KIAA0319: variants seen among roughly 807,000 people sequenced by gnomAD.
KIAA0319 encodes the protein KIAA0319, also known as dyslexia-associated protein KIAA0319.
A neutral mutation model predicts 108.4 loss-of-function variants in KIAA0319; 83 were observed. The ratio of observed to expected loss-of-function variants is 0.77; its 90% CI spans 0.64 to 0.92. The LOEUF (loss-of-function observed/expected upper bound fraction) is 0.92, where lower values mean the gene tolerates loss of function less well. Ranked by LOEUF, KIAA0319 falls within the 40% of genes least tolerant of loss-of-function variation. KIAA0319 has a pLI of 0.00. For missense variants in KIAA0319, 1,195 were observed against 1,322.4 expected (o/e 0.90, Z 1.49); for synonymous variants, 484 against 510.4 (o/e 0.95, Z 0.70).
Position 24,564,337 on chromosome 6 carries a change from C to T in KIAA0319, c.2296G>A (p.Val766Ile). The change falls in exon 15 of 21, where the codon GTC becomes ATC. Residue 766 changes from valine (V) to isoleucine (I), a missense_variant. By Grantham distance (29) the Val-to-Ile change is conservative. Transcript: ENST00000378214. ...RDGQSPAAGDVIDGSDHSVAL... is the reference protein window; with the variant it reads ...RDGQSPAAGDIIDGSDHSVAL... ...ACACTGTGGTCAGAGCCATCGATGACATCCTGCGAAAGAACACGGATCACA... is the reference window on the plus strand; with the variant it reads ...ACACTGTGGTCAGAGCCATCGATGATATCCTGCGAAAGAACACGGATCACA... The T allele has an allele frequency of 6.2e-7, 1 of 1,614,168 alleles. No individual in the cohort carries two copies. The highest frequency in any genetic ancestry group is 1.1e-5 in the South Asian group (1 of 91,086).
chr6:24,558,795 C>T (rs2251350), intron 17 of KIAA0319, among the ~76,000 whole-genome samples: 44,625 of 152,150 alleles, frequency 0.29, 7,855 homozygotes, highest in African/African-American at 0.5. Flanking sequence ...ATAATCTTAA[C>T]TTTAGGCCCA....
At chr6:24,588,899 A>C (rs1767994461) in intron 3 of KIAA0319, 114 bp from the exon 4 acceptor site, 7 of 837,492 alleles carry the variant, frequency 8.4e-6, no homozygotes, top group Non-Finnish European at 1.3e-5. Flanking sequence ...TGTTTGAAAA[A>C]CCATGAATAA....
intron 11 of KIAA0319, among the ~76,000 whole-genome samples, chr6:24,570,812 C>CT (rs1764622642): frequency 6.6e-6 from 1 of 152,084 alleles, no homozygotes; most frequent in Non-Finnish European, 1.5e-5. Flanking sequence ...TCTCTGTAGC[C>CT]TCAGTGCTAA....
chr6:24,559,906 C>G (rs1378015856), intron 16 of KIAA0319, among the ~76,000 whole-genome samples: 4 of 152,180 alleles, frequency 2.6e-5, no homozygotes, highest in African/African-American at 9.6e-5. Context: ...TGCTTTTGGT[C>G]TCTATGGATT....
intron 1 of KIAA0319, among the ~76,000 whole-genome samples, chr6:24,615,510 A>C (rs1204880127): frequency 1.3e-5 from 2 of 152,210 alleles, no homozygotes; most frequent in East Asian, 3.8e-4. Context: ...GAAAAGGGAA[A>C]TTAGTCAGGT....
Position 24,588,075 on chromosome 6 carries a change from G to A in KIAA0319, c.994+518C>T, listed in dbSNP as rs562906579. On this transcript the variant is annotated intron_variant, in intron 4 of 20. Coordinates refer to ENST00000378214, the MANE Select transcript of KIAA0319 (RefSeq NM_014809.4). The stretch of plus-strand genomic sequence containing the variant: ...CCTTACAGTTCTTCCGAAATGTCCC[G>A]TGAGCTCTTGTACTTCTGTTTTCTT... Among the ~76,000 whole-genome samples the A allele has an allele frequency of 1.9e-4, 29 of 152,246 alleles. No homozygotes were observed. The South Asian group carries it at 4.1e-3, about 22-fold the overall frequency.
At chr6:24,624,283 C>CATCT (rs1774409775) in intron 1 of KIAA0319, among the ~76,000 whole-genome samples, 1 of 148,880 alleles carries the variant, frequency 6.7e-6, no homozygotes, top group African/African-American at 2.5e-5. Flanking sequence ...CCCAAATGAC[C>CATCT]ATCTACCTCG....
chr6:24,570,882 T>C (rs1036973752), intron 11 of KIAA0319, among the ~76,000 whole-genome samples: 1 of 152,084 alleles, frequency 6.6e-6, no homozygotes, highest in Non-Finnish European at 1.5e-5. Context: ...TAAACAAAAG[T>C]AAAAGATATA....
intron 5 of KIAA0319, 128 bp from the exon 6 acceptor site, chr6:24,582,474 CT>C (rs72007936): frequency 0.23 from 48,132 of 211,746 alleles, 1,483 homozygotes; most frequent in East Asian, 0.38. Context: ...ACTCAGCTTT[CT>C]TTTTTTTTTT....
intron 20 of KIAA0319, among the ~76,000 whole-genome samples, chr6:24,549,301 G>A (rs1373812170): frequency 6.8e-6 from 1 of 146,572 alleles, no homozygotes; most frequent in Non-Finnish European, 1.5e-5. Context: ...ATTCCAGTCT[G>A]GGGGATAGAG....
chr6:24,540,262 T>C (rs1760154463), downstream of KIAA0319, among the ~76,000 whole-genome samples: 1 of 152,260 alleles, frequency 6.6e-6, no homozygotes, highest in South Asian at 2.1e-4. Flanking sequence ...TATACTCTTA[T>C]ACAACTGAGA....
intron 3 of KIAA0319, among the ~76,000 whole-genome samples, chr6:24,594,198 C>CA (rs761107947): frequency 2.8e-4 from 15 of 54,408 alleles, no homozygotes; most frequent in Non-Finnish European, 4.4e-4. Context: ...GACTCTGTCT[C>CA]AAAAAAAAAA....
At chr6:24,590,609 T>C (rs1466220340) in intron 3 of KIAA0319, among the ~76,000 whole-genome samples, 1 of 152,182 alleles carries the variant, frequency 6.6e-6, no homozygotes, top group Non-Finnish European at 1.5e-5. Flanking sequence ...AATTTTTTTT[T>C]AATCAAGTCC....
At position 24,546,534 on chromosome 6, in the gene KIAA0319, T is replaced by C. The variant is rs1760655475; in HGVS notation, c.*631A>G. On this transcript the variant is annotated 3_prime_UTR_variant, in exon 21 of 21. Coordinates refer to ENST00000378214, the MANE Select transcript of KIAA0319 (RefSeq NM_014809.4). ...TGCCTCAGTCCTTAGAATACGATTCTTCCTTAGCTCTTGAATGGCCAACAG... is the reference window on the plus strand; with the variant it reads ...TGCCTCAGTCCTTAGAATACGATTCCTCCTTAGCTCTTGAATGGCCAACAG... 6.6e-6 allele frequency: 1 copy of C among 152,314 alleles called. No individual in the cohort carries two copies. The highest frequency in any genetic ancestry group is 1.5e-5 in the Non-Finnish European group (1 of 68,126). The allele number at this position is 152,314 out of a possible 1,614,324, so 9.4% of individuals were successfully genotyped here.
chr6:24,643,572 G>C (rs2127604999), intron 1 of KIAA0319, among the ~76,000 whole-genome samples: 1 of 152,186 alleles, frequency 6.6e-6, no homozygotes, highest in African/African-American at 2.4e-5. Flanking sequence ...TATTATTGTT[G>C]CTGTTATAAA....
At chr6:24,608,976 A>T (rs1303039634) in intron 1 of KIAA0319, among the ~76,000 whole-genome samples, 3 of 130,022 alleles carry the variant, frequency 2.3e-5, no homozygotes, top group South Asian at 2.6e-4. Context: ...AAATCAGTGG[A>T]GAAGGCCAGG....
At chr6:24,618,649 C>A (rs993702812) in intron 1 of KIAA0319, among the ~76,000 whole-genome samples, 2 of 151,430 alleles carry the variant, frequency 1.3e-5, no homozygotes, top group African/African-American at 4.9e-5. Context: ...CAAAAACACA[C>A]AAAAAGTACA....
chr6:24,565,750 C>T (rs1424889585), intron 14 of KIAA0319, among the ~76,000 whole-genome samples: 2 of 85,104 alleles, frequency 2.4e-5, no homozygotes, highest in Non-Finnish European at 4.1e-5. Flanking sequence ...GAGACTCCAT[C>T]TCAAAAAAAA....
rs1430702327 is a variant in KIAA0319 at position 24,582,272 on chromosome 6, T to G, written c.1168A>C (p.Lys390Gln). The G allele has an allele frequency of 1.2e-6, 2 of 1,604,946 alleles. No individual in the cohort carries two copies. The highest frequency in any genetic ancestry group is 4.5e-5 in the East Asian group (2 of 44,816). Reference protein sequence around the residue: ...DYQGEIKQGHKQTLNLSQLSV... With the variant: ...DYQGEIKQGHQQTLNLSQLSV... ...ACTTGAGAGAGGTTAAGAGTTTGCT[T>G]GTGTCCTTGTTTTATTTCACCTTGG... The change falls in exon 6 of 21, where the codon AAG becomes CAG. Residue 390 changes from lysine to glutamine, a missense_variant. Transcript: ENST00000378214.
Sources: allele counts gnomAD v4.1 joint callset (sites outside exome capture counted in the v4.1 genomes callset), GRCh38; gene constraint gnomAD v4.1.1; transcripts MANE v1.5; gene names NCBI Gene and HGNC (gene_info 2026-07-23, HGNC 2026-07-21).